The following HIP1 variants were observed in gnomAD, a reference collection of about 807,000 sequenced individuals.
HIP1 encodes the protein huntingtin-interacting protein 1.
HIP1 carries 65 observed loss-of-function variants against 147.6 expected under a neutral mutation model. That is an observed-to-expected ratio of 0.44 (90% CI 0.36 to 0.54). The LOEUF (loss-of-function observed/expected upper bound fraction) is 0.54. HIP1 is among the 20% of genes least tolerant of loss of function. The pLI is 0.00. For missense variants in HIP1, 1,061 were observed against 1,299.6 expected (o/e 0.82, Z 2.82); for synonymous variants, 479 against 504.0 (o/e 0.95, Z 0.67).
intron 1 of HIP1, among the ~76,000 whole-genome samples, chr7:75,735,588 T>G (rs1801993149): frequency 6.6e-6 from 1 of 152,172 alleles, no homozygotes; most frequent in Non-Finnish European, 1.5e-5. Context: ...CTCTGCAACC[T>G]CATAATACAT....
intron 23 of HIP1, 124 bp from the exon 24 acceptor site, chr7:75,547,937 C>G: frequency 1.2e-6 from 1 of 830,086 alleles, no homozygotes; most frequent in Non-Finnish European, 2.1e-6. Flanking sequence ...GTCCCCAAGT[C>G]CCTGCCCACA....
intron 1 of HIP1, among the ~76,000 whole-genome samples, chr7:75,735,253 T>A (rs1554523512): frequency 1.3e-5 from 2 of 152,174 alleles, no homozygotes; most frequent in African/African-American, 4.8e-5. Context: ...AATGCCAGCA[T>A]CTGCTCAGTA....
chr7:75,702,829 C>T (rs1461453156), intron 1 of HIP1, among the ~76,000 whole-genome samples: 1 of 151,858 alleles, frequency 6.6e-6, no homozygotes, highest in Admixed American at 6.6e-5. Context: ...TTTTTAACAG[C>T]CAGCTATCAA....
At chr7:75,667,077 G>A (rs1799586949) in intron 1 of HIP1, among the ~76,000 whole-genome samples, 1 of 152,114 alleles carries the variant, frequency 6.6e-6, no homozygotes, top group Non-Finnish European at 1.5e-5. Flanking sequence ...GTGGTTATGA[G>A]TGGTGATTTT....
chr7:75,606,614 T>C (rs1483042339), intron 1 of HIP1, among the ~76,000 whole-genome samples: 2 of 148,096 alleles, frequency 1.4e-5, no homozygotes, highest in Admixed American at 6.7e-5. Flanking sequence ...TGGACCTAGA[T>C]GAGGGGAGGA....
Position 75,537,524 on chromosome 7 carries a change from A to C in HIP1, c.*648T>G, listed in dbSNP as rs1464062567. 9 of 232,568 alleles carry C rather than the reference A, an allele frequency of 3.9e-5. No individual in the cohort carries two copies. Among genetic ancestry groups the C allele is most frequent in the Non-Finnish European group, 6.8e-5 (8 of 117,842 alleles). The allele number at this position is 232,568 out of a possible 1,614,324, so 14.4% of individuals were successfully genotyped here. ...GGCTATGTGAGTGAAACTTAAAAAA[A>C]AAAACAAAACCAAAAAACCCAACCA... On this transcript the variant is annotated 3_prime_UTR_variant, in exon 31 of 31. Transcript: ENST00000336926.
chr7:75,619,409 C>G (rs754804281), intron 1 of HIP1, among the ~76,000 whole-genome samples: 2 of 151,024 alleles, frequency 1.3e-5, no homozygotes, highest in Non-Finnish European at 2.9e-5. Context: ...TGCTGTAATC[C>G]CAGCTACTCG....
chr7:75,549,836 A>T (rs1794714943), intron 22 of HIP1, among the ~76,000 whole-genome samples: 1 of 94,420 alleles, frequency 1.1e-5, no homozygotes, highest in African/African-American at 4.5e-5. Flanking sequence ...AGCCCGGATA[A>T]TTGTTTTTTT....
At position 75,637,004 on chromosome 7, in the gene HIP1, G is replaced by A. The variant is rs556128038; in HGVS notation, c.121-37757C>T. Among the ~76,000 whole-genome samples, 347 of 152,242 alleles carry A rather than the reference G, an allele frequency of 2.3e-3. 1 individual carries two copies. Among genetic ancestry groups the A allele is most frequent in the Middle Eastern group, 6.8e-3 (2 of 294 alleles). On this transcript the variant is annotated intron_variant, in intron 1 of 30. Coordinates refer to ENST00000336926, the MANE Select transcript of HIP1 (RefSeq NM_005338.7). ...AATGCCTACCCCACCCAACCTCCAA[G>A]GGCCAACTGAGGTCTTGGTCTTCCT... is the stretch of plus-strand genomic sequence containing the variant.
Position 75,545,308 on chromosome 7 carries a change from T to A in HIP1, c.2560-120A>T, listed in dbSNP as rs1449302219. ...AGTAACTCTGAGACATAAGCATTAGTATTCCCATTTTACAAAAAAGAAGAA... is the reference window on the plus strand; with the variant it reads ...AGTAACTCTGAGACATAAGCATTAGAATTCCCATTTTACAAAAAAGAAGAA... On this transcript the variant is annotated intron_variant, in intron 25 of 30. Transcript: ENST00000336926. 20 of 684,154 alleles carry A rather than the reference T, an allele frequency of 2.9e-5. No homozygotes were observed. In the East Asian group the frequency reaches 5.4e-4, roughly 18 times the overall value. The allele number at this position is 684,154 out of a possible 1,614,324, so 42.4% of individuals were successfully genotyped here.
chr7:75,605,692 C>T (rs1472475710), intron 1 of HIP1, among the ~76,000 whole-genome samples: 10 of 152,148 alleles, frequency 6.6e-5, no homozygotes, highest in Admixed American at 1.3e-4. Context: ...CACATTACCA[C>T]GCCTGGCTAA....
At chr7:75,579,603 T>C (rs1795966263) in intron 7 of HIP1, among the ~76,000 whole-genome samples, 1 of 152,154 alleles carries the variant, frequency 6.6e-6, no homozygotes, top group South Asian at 2.1e-4. Context: ...GTTTCTGGTG[T>C]TTTTCTGACC....
intron 9 of HIP1, among the ~76,000 whole-genome samples, chr7:75,566,541 G>A (rs981138323): frequency 3.3e-5 from 5 of 151,528 alleles, no homozygotes; most frequent in African/African-American, 9.8e-5. Context: ...GGAAAGGGGC[G>A]CTAACTTCCG....
Position 75,595,236 on chromosome 7 carries a change from CT to C in HIP1, c.185-2723del, listed in dbSNP as rs1563230222. On this transcript the variant is annotated intron_variant, in intron 2 of 30. Transcript: ENST00000336926. ...TCTTTCTTTCTTTCTTTCTTTCTTTCTTTCTTTCTTTCTTTCTTCCTTCCTT... is the reference window on the plus strand; with the variant it reads ...TCTTTCTTTCTTTCTTTCTTTCTTTCTTCTTTCTTTCTTTCTTCCTTCCTT... Among the ~76,000 whole-genome samples the C allele has an allele frequency of 4.7e-3, 536 of 114,368 alleles. 2 individuals carry two copies. Among genetic ancestry groups the C allele is most frequent in the African/African-American group, 0.014 (345 of 24,492 alleles). 75.0% of individuals were successfully genotyped at this position (114,368 alleles called of 152,430 possible). A position where few individuals can be genotyped will look rare whatever the true frequency, so the allele number is the denominator to read the frequency against.
intron 1 of HIP1, among the ~76,000 whole-genome samples, chr7:75,664,329 CAT>C (rs201151384): frequency 0.02 from 2,794 of 138,764 alleles, 70 homozygotes; most frequent in East Asian, 0.091. Flanking sequence ...CATACACATG[CAT>C]ATATATGTGT....
chr7:75,578,169 C>A (rs1795910104), intron 7 of HIP1, among the ~76,000 whole-genome samples: 1 of 152,156 alleles, frequency 6.6e-6, no homozygotes, highest in Non-Finnish European at 1.5e-5. Context: ...CTGTCAGGAA[C>A]TGGAAGGATG....
chr7:75,552,659 ACAT>A (rs1554492344), intron 22 of HIP1, among the ~76,000 whole-genome samples: 3 of 152,054 alleles, frequency 2.0e-5, no homozygotes, highest in Non-Finnish European at 4.4e-5. Flanking sequence ...GCTCGGCACT[ACAT>A]CTTTAGTAAA....
At chr7:75,629,778 G>A (rs962524342) in intron 1 of HIP1, among the ~76,000 whole-genome samples, 1 of 152,218 alleles carries the variant, frequency 6.6e-6, no homozygotes, top group Admixed American at 6.5e-5. Context: ...CCGACCTCAG[G>A]TGATCCTCCC....
Position 75,579,246 on chromosome 7 carries a change from C to T in HIP1, c.604+1991G>A, listed in dbSNP as rs138836626. Among the ~76,000 whole-genome samples, 484 of 152,292 alleles carry T rather than the reference C, an allele frequency of 3.2e-3. 3 individuals are homozygous for T. The highest frequency in any genetic ancestry group is 4.6e-3 in the Non-Finnish European group (315 of 68,018). ...CTACTGACTTTTGTATAACACCCTG[C>T]TCAAATAGCTTCCTAGTCGGCTGAA... On this transcript the variant is annotated intron_variant, in intron 7 of 30. Transcript: ENST00000336926.
Sources: gnomAD v4.1 joint callset for allele counts (sites outside exome capture counted in the v4.1 genomes callset) on GRCh38, gnomAD v4.1.1 for gene constraint, MANE v1.5 for transcripts, NCBI Gene and HGNC (gene_info 2026-07-23, HGNC 2026-07-21) for gene names.